CDC123: variants seen among roughly 807,000 people sequenced by gnomAD.
CDC123 encodes the protein cell division cycle 123, also known as translation initiation factor eIF2 assembly protein.
A neutral mutation model predicts 54.4 loss-of-function variants in CDC123; 37 were observed. The ratio of observed to expected loss-of-function variants is 0.68; its 90% CI spans 0.52 to 0.89. The LOEUF is 0.89. Among genes scored for constraint, CDC123 ranks in the 40% least tolerant of loss-of-function variants. The pLI, the probability that CDC123 is intolerant of heterozygous loss-of-function variation, is 0.00. For missense variants in CDC123, 361 were observed against 412.1 expected, an observed-to-expected ratio of 0.88 and a Z score of 1.07; for synonymous variants, 144 against 136.8, an observed-to-expected ratio of 1.05 and a Z score of -0.37.
chr10:12,220,882 C>A (rs567153033), intron 6 of CDC123, among the ~76,000 whole-genome samples: 2 of 151,914 alleles, frequency 1.3e-5, no homozygotes, highest in Admixed American at 1.3e-4. Flanking sequence ...GAGGCTGAGG[C>A]AGGAGAATGG....
At chr10:12,217,573 A>G (rs759974898) in intron 6 of CDC123, 106 bp downstream of exon 6, 3 of 1,117,800 alleles carry the variant, frequency 2.7e-6, no homozygotes, top group Non-Finnish European at 2.4e-6. Flanking sequence ...ATAGCTCCAT[A>G]TAACAAAGCT....
chr10:12,224,154 G>T (rs1835773873), intron 6 of CDC123, among the ~76,000 whole-genome samples: 1 of 149,748 alleles, frequency 6.7e-6, no homozygotes, highest in South Asian at 2.1e-4. Context: ...TGGAATAATA[G>T]TCTCCAGTTC....
chr10:12,215,052 T>G (rs1370750131), intron 4 of CDC123, among the ~76,000 whole-genome samples: 2 of 152,184 alleles, frequency 1.3e-5, no homozygotes, highest in Non-Finnish European at 2.9e-5. Context: ...GACATCAGGC[T>G]TAAGTTCCTG....
intron 11 of CDC123, among the ~76,000 whole-genome samples, chr10:12,249,299 G>T (rs150935157): frequency 1.3e-5 from 2 of 152,054 alleles, no homozygotes; most frequent in Non-Finnish European, 2.9e-5. Context: ...TCAGCTGGGC[G>T]TGGTGGCGCA....
intron 2 of CDC123, among the ~76,000 whole-genome samples, chr10:12,200,113 A>C (rs1588667876): frequency 4.4e-5 from 3 of 67,798 alleles, no homozygotes; most frequent in Admixed American, 1.7e-4. Context: ...GAGCCACCGC[A>C]CTCGGCATTT....
chr10:12,201,124 C>T (rs1835434334), intron 2 of CDC123, among the ~76,000 whole-genome samples: 1 of 152,206 alleles, frequency 6.6e-6, no homozygotes, highest in South Asian at 2.1e-4. Flanking sequence ...TAGCCCTTCC[C>T]TCTGTGCCTC....
rs76480057 is a variant in CDC123 at position 12,230,996 on chromosome 10, G to A, written c.489G>A (p.Glu163=). The change falls in exon 7 of 13, where the codon GAG becomes GAA. Residue 163 remains glutamate, a splice_region_variant and synonymous_variant. Coordinates refer to ENST00000281141, the MANE Select transcript of CDC123 (RefSeq NM_006023.3). ...DDSPDPCIEY[E]LVLRKWCELI... ...CTCCAGATCCATGTATAGAATATGA[G>A]GTAAGAAGCTTATTTTCTTTGATAA... 17 of 1,602,710 alleles carry A rather than the reference G, an allele frequency of 1.1e-5. No homozygotes were observed. The highest frequency in any genetic ancestry group is 1.4e-5 in the Non-Finnish European group (17 of 1,173,218).
chr10:12,206,696 T>A (rs145664976), intron 2 of CDC123, among the ~76,000 whole-genome samples: 1 of 152,118 alleles, frequency 6.6e-6, no homozygotes, highest in Non-Finnish European at 1.5e-5. Flanking sequence ...CGGTGGCTTA[T>A]GCCTGTAATC....
intron 7 of CDC123, among the ~76,000 whole-genome samples, chr10:12,232,275 C>A (rs776537979): frequency 2.6e-5 from 4 of 152,058 alleles, no homozygotes; most frequent in Non-Finnish European, 2.9e-5. Context: ...GCCATCTTTG[C>A]TCCATAATTG....
At chr10:12,248,105 T>C (rs1407550830) in intron 11 of CDC123, among the ~76,000 whole-genome samples, 4 of 152,234 alleles carry the variant, frequency 2.6e-5, no homozygotes, top group African/African-American at 7.2e-5. Flanking sequence ...ATAACGTGCA[T>C]TTAAACACAT....
chr10:12,210,605 C>T (rs903840107), intron 4 of CDC123, among the ~76,000 whole-genome samples: 7 of 152,180 alleles, frequency 4.6e-5, no homozygotes, highest in East Asian at 1.9e-4. Flanking sequence ...GAAGGAATTA[C>T]GCCTAACATT....
intron 4 of CDC123, among the ~76,000 whole-genome samples, chr10:12,214,180 T>C (rs1835636317): frequency 6.6e-6 from 1 of 152,234 alleles, no homozygotes; most frequent in Admixed American, 6.5e-5. Flanking sequence ...AATCCTTAGA[T>C]GTCAAGCTTT....
chr10:12,214,516 A>G (rs1835640059), intron 4 of CDC123, among the ~76,000 whole-genome samples: 1 of 152,260 alleles, frequency 6.6e-6, no homozygotes, highest in African/African-American at 2.4e-5. Context: ...GAAGATAGAT[A>G]GTTATTAACC....
chr10:12,248,493 C>T (rs1836190138), intron 11 of CDC123, among the ~76,000 whole-genome samples: 1 of 143,924 alleles, frequency 6.9e-6, no homozygotes, highest in East Asian at 2.1e-4. Flanking sequence ...GCCTGGGTGA[C>T]AGAGCGGGAC....
At chr10:12,206,622 AC>A (rs1239420544) in intron 2 of CDC123, among the ~76,000 whole-genome samples, 2 of 152,186 alleles carry the variant, frequency 1.3e-5, no homozygotes, top group African/African-American at 4.8e-5. Context: ...GACCAGACTG[AC>A]CAACATGGCG....
intron 8 of CDC123, among the ~76,000 whole-genome samples, chr10:12,236,599 T>TAA (rs534845759): frequency 6.2e-5 from 8 of 128,964 alleles, no homozygotes; most frequent in African/African-American, 2.3e-4. Context: ...ACACTGTCTC[T>TAA]AAAAAAAAAA....
chr10:12,246,054 C>A, intron 10 of CDC123, 95 bp from the exon 11 acceptor site: 1 of 1,341,592 alleles, frequency 7.5e-7, no homozygotes, highest in Non-Finnish European at 1.0e-6. Context: ...TGGGCAACAG[C>A]ATGAGACCCT....
At chr10:12,243,957 G>C (rs937829833) in intron 10 of CDC123, among the ~76,000 whole-genome samples, 1 of 152,174 alleles carries the variant, frequency 6.6e-6, no homozygotes, top group African/African-American at 2.4e-5. Flanking sequence ...CAGGAATGAA[G>C]AAGTGGGTGC....
chr10:12,220,179 G>T (rs1295975386), intron 6 of CDC123, among the ~76,000 whole-genome samples: 13 of 152,160 alleles, frequency 8.5e-5, no homozygotes. Flanking sequence ...GTGAGTGTGG[G>T]AAGACACTTT....
Sources: gnomAD v4.1 joint callset for allele counts (sites outside exome capture counted in the v4.1 genomes callset) on GRCh38, gnomAD v4.1.1 for gene constraint, MANE v1.5 for transcripts, NCBI Gene and HGNC (gene_info 2026-07-23, HGNC 2026-07-21) for gene names.